GFRA1: variants seen among roughly 807,000 people sequenced by gnomAD.
GFRA1 encodes GDNF family receptor alpha 1.
In GFRA1, 16 loss-of-function variants were observed where a neutral mutation model predicts 51.6. The ratio of observed to expected loss-of-function variants is 0.31; its 90% CI spans 0.21 to 0.47. The LOEUF is 0.47. Among genes scored for constraint, GFRA1 ranks in the 20% least tolerant of loss-of-function variants. The pLI, the probability that GFRA1 is intolerant of heterozygous loss-of-function variation, is 1.00. For missense variants in GFRA1, 530 were observed against 594.3 expected, an observed-to-expected ratio of 0.89 and a Z score of 1.13; for synonymous variants, 270 against 241.3, an observed-to-expected ratio of 1.12 and a Z score of -1.10.
chr10:116,240,729 C>T (rs531950082), intron 4 of GFRA1, among the ~76,000 whole-genome samples: 5 of 152,258 alleles, frequency 3.3e-5, no homozygotes, highest in East Asian at 1.9e-4. Context: ...CTAAACCGTA[C>T]GCATCTTAGC....
intron 5 of GFRA1, among the ~76,000 whole-genome samples, chr10:116,160,678 A>G (rs1019680945): frequency 2.0e-5 from 3 of 152,222 alleles, no homozygotes; most frequent in African/African-American, 7.2e-5. Context: ...GTTGGAGATC[A>G]ATGACCAATT....
intron 4 of GFRA1, among the ~76,000 whole-genome samples, chr10:116,212,589 C>A (rs1318756709): frequency 6.6e-6 from 1 of 151,078 alleles, no homozygotes; most frequent in Non-Finnish European, 1.5e-5. Context: ...AATAAACAAA[C>A]AAGCAGTCAC....
At chr10:116,188,723 G>A (rs909345695) in intron 5 of GFRA1, among the ~76,000 whole-genome samples, 5 of 151,854 alleles carry the variant, frequency 3.3e-5, no homozygotes, top group Non-Finnish European at 5.9e-5. Context: ...GGCCAACATG[G>A]TGAAACCCTG....
At chr10:116,234,791 TC>T (rs1435688184) in intron 4 of GFRA1, among the ~76,000 whole-genome samples, 3 of 152,128 alleles carry the variant, frequency 2.0e-5, no homozygotes, top group Admixed American at 2.0e-4. Flanking sequence ...CCAAATCTCA[TC>T]TTGAATTGTA....
chr10:116,136,479 C>T (rs188881289), intron 5 of GFRA1, among the ~76,000 whole-genome samples: 1 of 152,268 alleles, frequency 6.6e-6, no homozygotes, highest in East Asian at 1.9e-4. Flanking sequence ...GAATCCAAAA[C>T]CCCCCTCTTC....
At chr10:116,134,079 A>G (rs973419234) in intron 5 of GFRA1, among the ~76,000 whole-genome samples, 2 of 152,224 alleles carry the variant, frequency 1.3e-5, no homozygotes, top group African/African-American at 2.4e-5. Flanking sequence ...ATCTATTTCT[A>G]TGGATTATGA....
At chr10:116,214,978 G>T (rs1965459725) in intron 4 of GFRA1, among the ~76,000 whole-genome samples, 1 of 151,972 alleles carries the variant, frequency 6.6e-6, no homozygotes, top group African/African-American at 2.4e-5. Context: ...CTCTTTTTCA[G>T]CTTTGTTTAC....
chr10:116,153,880 T>C (rs1459942520), intron 5 of GFRA1, among the ~76,000 whole-genome samples: 2 of 152,070 alleles, frequency 1.3e-5, no homozygotes, highest in Non-Finnish European at 2.9e-5. Context: ...AAGCACTCTA[T>C]AAATCAATCA....
At chr10:116,232,857 G>A (rs899160132) in intron 4 of GFRA1, among the ~76,000 whole-genome samples, 5 of 152,118 alleles carry the variant, frequency 3.3e-5, no homozygotes, top group Admixed American at 6.6e-5. Flanking sequence ...GATAACTGCA[G>A]GGAAGCCCAC....
chr10:116,100,252 C>T (rs979349878), intron 6 of GFRA1, among the ~76,000 whole-genome samples: 9 of 152,176 alleles, frequency 5.9e-5, no homozygotes, highest in Non-Finnish European at 1.3e-4. Context: ...ACTGATTTAA[C>T]GACTTAACAT....
At chr10:116,173,848 G>A (rs1288547161) in intron 5 of GFRA1, among the ~76,000 whole-genome samples, 10 of 145,738 alleles carry the variant, frequency 6.9e-5, no homozygotes, top group Admixed American at 1.4e-4. Flanking sequence ...AGGCCAAGGC[G>A]GGCGGATCAC....
chr10:116,067,806 A>G (rs1301883435), intron 9 of GFRA1, among the ~76,000 whole-genome samples: 1 of 152,220 alleles, frequency 6.6e-6, no homozygotes, highest in Non-Finnish European at 1.5e-5. Flanking sequence ...TCAACCAGGG[A>G]GACACACACA....
At chr10:116,218,409 T>A (rs1008515247) in intron 4 of GFRA1, among the ~76,000 whole-genome samples, 3 of 152,216 alleles carry the variant, frequency 2.0e-5, no homozygotes, top group Non-Finnish European at 2.9e-5. Context: ...CGGGGTTCTA[T>A]GGAGAATCTG....
At chr10:116,162,172 G>A (rs1959883214) in intron 5 of GFRA1, among the ~76,000 whole-genome samples, 1 of 152,196 alleles carries the variant, frequency 6.6e-6, no homozygotes, top group Non-Finnish European at 1.5e-5. Flanking sequence ...ACCAAGACTG[G>A]GTTCACCAGC....
chr10:116,248,591 T>A (rs540581413), intron 4 of GFRA1, among the ~76,000 whole-genome samples: 11 of 152,218 alleles, frequency 7.2e-5, no homozygotes, highest in Admixed American at 2.0e-4. Context: ...TGAAGGAAAA[T>A]CAAAACAACC....
At chr10:116,113,890 A>C (rs930223191) in intron 6 of GFRA1, among the ~76,000 whole-genome samples, 1 of 152,208 alleles carries the variant, frequency 6.6e-6, no homozygotes, top group African/African-American at 2.4e-5. Context: ...GTAAATGCCA[A>C]GTACGTGTTG....
At chr10:116,196,213 G>T (rs1277915369) in intron 5 of GFRA1, among the ~76,000 whole-genome samples, 1 of 151,252 alleles carries the variant, frequency 6.6e-6, no homozygotes, top group African/African-American at 2.4e-5. Flanking sequence ...AAAACAGCTG[G>T]GCATGGTGGC....
intron 6 of GFRA1, among the ~76,000 whole-genome samples, chr10:116,120,430 A>G (rs1487147251): frequency 6.6e-6 from 1 of 152,090 alleles, no homozygotes; most frequent in Non-Finnish European, 1.5e-5. Context: ...AATTAATTAA[A>G]AGAAATTAGC....
chr10:116,196,849 T>TA (rs150405770), intron 5 of GFRA1, among the ~76,000 whole-genome samples: 459 of 42,096 alleles, frequency 0.011, 1 homozygote, highest in Non-Finnish European at 0.02. Flanking sequence ...ATATATATAT[T>TA]TTTTTTCCCT....
Sources: allele counts gnomAD v4.1 joint callset (sites outside exome capture counted in the v4.1 genomes callset), GRCh38; gene constraint gnomAD v4.1.1; transcripts MANE v1.5; gene names NCBI Gene and HGNC (gene_info 2026-07-23, HGNC 2026-07-21).